Variants in HDAC9 observed in about 807,000 individuals in gnomAD.
HDAC9 encodes the protein histone deacetylase 9.
In HDAC9, 41 loss-of-function variants were observed where a neutral mutation model predicts 139.4. The observed-to-expected ratio is 0.29, with a 90% CI of 0.23 to 0.38. The LOEUF (loss-of-function observed/expected upper bound fraction) is 0.38. Ranked by LOEUF, HDAC9 falls within the 10% of genes least tolerant of loss-of-function variation. The pLI, the probability that HDAC9 is intolerant of heterozygous loss-of-function variation, is 1.00. For missense variants in HDAC9, 1,147 were observed against 1,297.0 expected, an observed-to-expected ratio of 0.88 and a Z score of 1.78; for synonymous variants, 517 against 476.2, an observed-to-expected ratio of 1.09 and a Z score of -1.12.
At chr7:18,576,549 C>G (rs1385887814) in intron 2 of HDAC9, among the ~76,000 whole-genome samples, 1 of 151,586 alleles carries the variant, frequency 6.6e-6, no homozygotes, top group East Asian at 1.9e-4. Context: ...GTAGTCCCAG[C>G]TACTCGGGAG....
chr7:18,546,913 C>G (rs1477310164), intron 2 of HDAC9, among the ~76,000 whole-genome samples: 1 of 152,128 alleles, frequency 6.6e-6, no homozygotes, highest in Non-Finnish European at 1.5e-5. Context: ...ACCAGTAAAA[C>G]TAAATTTCTG....
intron 1 of HDAC9, among the ~76,000 whole-genome samples, chr7:18,144,400 C>A (rs1366938045): frequency 6.6e-6 from 1 of 152,166 alleles, no homozygotes; most frequent in Non-Finnish European, 1.5e-5. Flanking sequence ...CTTCCCCTTT[C>A]ACTCACCCTG....
chr7:18,133,936 A>C (rs1178776866), intron 1 of HDAC9, among the ~76,000 whole-genome samples: 3 of 148,616 alleles, frequency 2.0e-5, no homozygotes, highest in Non-Finnish European at 4.5e-5. Flanking sequence ...ACGCGTGCAC[A>C]CACACACACA....
At chr7:18,365,191 G>A (rs1189838663) in intron 1 of HDAC9, among the ~76,000 whole-genome samples, 4 of 152,078 alleles carry the variant, frequency 2.6e-5, no homozygotes, top group African/African-American at 9.7e-5. Flanking sequence ...GGGCAGGAAT[G>A]TTATTGGTAG....
chr7:18,813,392 CCTT>C (rs1413828413), intron 17 of HDAC9, among the ~76,000 whole-genome samples: 5 of 152,170 alleles, frequency 3.3e-5, no homozygotes, highest in East Asian at 3.9e-4. Context: ...TTTTGCACAT[CCTT>C]CTTCTTCCTA....
chr7:18,832,740 T>TATA (rs398111123), intron 19 of HDAC9, among the ~76,000 whole-genome samples: 236 of 149,506 alleles, frequency 1.6e-3, no homozygotes, highest in African/African-American at 5.6e-3. Flanking sequence ...TATATATATA[T>TATA]TTTTTTTTTC....
intron 2 of HDAC9, among the ~76,000 whole-genome samples, chr7:18,198,056 C>G (rs1339510145): frequency 6.6e-6 from 1 of 152,046 alleles, no homozygotes; most frequent in Non-Finnish European, 1.5e-5. Flanking sequence ...CAAAAATGGC[C>G]TTGAGTAACT....
intron 1 of HDAC9, among the ~76,000 whole-genome samples, chr7:18,362,426 A>G (rs997683256): frequency 6.6e-6 from 1 of 152,210 alleles, no homozygotes; most frequent in African/African-American, 2.4e-5. Flanking sequence ...TAGATGATCC[A>G]GTCATTAAAA....
intron 1 of HDAC9, among the ~76,000 whole-genome samples, chr7:18,305,479 A>G (rs1322726424): frequency 3.9e-5 from 6 of 152,360 alleles, no homozygotes; most frequent in Admixed American, 2.6e-4. Flanking sequence ...CACTGAAGCT[A>G]GAAATCCACA....
At chr7:18,380,765 A>C (rs962139766) in intron 1 of HDAC9, among the ~76,000 whole-genome samples, 8 of 152,286 alleles carry the variant, frequency 5.3e-5, no homozygotes, top group Middle Eastern at 3.4e-3. Flanking sequence ...CAAGTGCATA[A>C]TTTTCAAAGC....
chr7:18,714,035 A>G (rs1326233522), intron 12 of HDAC9, among the ~76,000 whole-genome samples: 1 of 152,204 alleles, frequency 6.6e-6, no homozygotes, highest in Non-Finnish European at 1.5e-5. Flanking sequence ...TTTTGCAGAT[A>G]AACCACTTAT....
intron 17 of HDAC9, among the ~76,000 whole-genome samples, chr7:18,807,186 T>C (rs1223565862): frequency 6.6e-6 from 1 of 152,182 alleles, no homozygotes; most frequent in Non-Finnish European, 1.5e-5. Context: ...CTCAGCAGGA[T>C]ATATGTGGCT....
chr7:18,207,477 G>C (rs1791608130), intron 2 of HDAC9, among the ~76,000 whole-genome samples: 1 of 142,688 alleles, frequency 7.0e-6, no homozygotes, highest in Non-Finnish European at 1.5e-5. Flanking sequence ...TGCAATCGTA[G>C]CTCACAGCAG....
rs549087047 is a variant in HDAC9, at chr7:18,312,574, G to A, written c.-42+22059G>A. Among the ~76,000 whole-genome samples, 8 of 152,080 alleles carry A rather than the reference G, an allele frequency of 5.3e-5. No homozygotes were observed. The East Asian group carries it at 5.8e-4, about 11-fold the overall frequency. On this transcript the variant is annotated intron_variant, in intron 1 of 3. Coordinates refer to the HDAC9 transcript ENST00000413509. Reference sequence around the variant, plus strand: ...TTAGGTAATTTATAATCTCTTGCAAGCCTGATTATTTTAAATTTAAATTAC... The same window carrying A: ...TTAGGTAATTTATAATCTCTTGCAAACCTGATTATTTTAAATTTAAATTAC...
At chr7:18,864,950 A>G (rs1798382012) in intron 21 of HDAC9, among the ~76,000 whole-genome samples, 1 of 152,228 alleles carries the variant, frequency 6.6e-6, no homozygotes, top group South Asian at 2.1e-4. Flanking sequence ...TAAAACTTTT[A>G]GTTGTTAAAA....
At chr7:18,147,253 A>G (rs925365587) in intron 1 of HDAC9, among the ~76,000 whole-genome samples, 2 of 152,308 alleles carry the variant, frequency 1.3e-5, no homozygotes, top group African/African-American at 2.4e-5. Context: ...AACCCTCCCA[A>G]TGTGAATTAC....
chr7:18,821,957 A>G (rs779817982), intron 17 of HDAC9, among the ~76,000 whole-genome samples: 9 of 152,160 alleles, frequency 5.9e-5, no homozygotes, highest in African/African-American at 1.9e-4. Flanking sequence ...GATGGAAGAG[A>G]TGCATGGGAA....
At chr7:18,141,646 G>C (rs1037166629) in intron 1 of HDAC9, among the ~76,000 whole-genome samples, 1 of 152,062 alleles carries the variant, frequency 6.6e-6, no homozygotes, top group Non-Finnish European at 1.5e-5. Context: ...TGCAATGTCC[G>C]TGGGGCTTTC....
rs547953906 is a variant in HDAC9 at position 18,835,703 on chromosome 7, GA to G, written c.2586+119del. 6.2e-4 allele frequency: 859 copies of G among 1,393,588 alleles called. 5 individuals are homozygous for G. In the Middle Eastern group the frequency reaches 0.02, roughly 33 times the overall value. The allele number at this position is 1,393,588 out of a possible 1,614,324, so 86.3% of individuals were successfully genotyped here. A position where few individuals can be genotyped will look rare whatever the true frequency, so the allele number is the denominator to read the frequency against. On this transcript the variant is annotated intron_variant, in intron 20 of 25. Coordinates refer to ENST00000686413, the MANE Select transcript of HDAC9 (RefSeq NM_178425.4). Reference sequence around the variant, plus strand: ...GTGTTTTAAATTACACGAGATTACTGAATTGTCCCATGGGACCAAGAACCAG... The same window carrying G: ...GTGTTTTAAATTACACGAGATTACTGATTGTCCCATGGGACCAAGAACCAG...
Sources: gnomAD v4.1 joint callset for allele counts (sites outside exome capture counted in the v4.1 genomes callset) on GRCh38, gnomAD v4.1.1 for gene constraint, MANE v1.5 for transcripts, NCBI Gene and HGNC (gene_info 2026-07-23, HGNC 2026-07-21) for gene names.